Variants in RGS9 observed in about 807,000 individuals in gnomAD.
RGS9 encodes the protein regulator of G protein signaling 9, also known as regulator of G-protein signalling 9.
Under a neutral mutation model 102.0 loss-of-function variants are expected in RGS9, and 78 were observed. That is an observed-to-expected ratio of 0.76 (90% CI 0.64 to 0.92). RGS9 has a LOEUF of 0.92. Among genes scored for constraint, RGS9 ranks in the 40% least tolerant of loss-of-function variants. The pLI, the probability that RGS9 is intolerant of heterozygous loss-of-function variation, is 0.00. For synonymous variants in RGS9, 353 were observed against 318.6 expected, an observed-to-expected ratio of 1.11 and a Z score of -1.15; for missense variants, 833 against 866.1, an observed-to-expected ratio of 0.96 and a Z score of 0.48.
rs1911497514 is a variant in RGS9, at chr17:65,173,460, T to C, written c.583-4272T>C. ...AACATCGCCTCCTCACGAGCAGTTG[T>C]CACGAGTACAGGAGCTCCTTTCCTG... On this transcript the variant is annotated intron_variant, in intron 8 of 18. Transcript: ENST00000262406. The surrounding 1 kb of genome is among the most constrained non-coding windows in gnomAD (Gnocchi z 4.8). 6.6e-6 allele frequency among the ~76,000 whole-genome samples: 1 copy of C among 152,102 alleles called. No homozygotes were observed. Among genetic ancestry groups the C allele is most frequent in the Non-Finnish European group, 1.5e-5 (1 of 68,034 alleles).
intron 8 of RGS9, among the ~76,000 whole-genome samples, chr17:65,175,187 A>G (rs914425997): frequency 6.6e-6 from 1 of 151,486 alleles, no homozygotes; most frequent in African/African-American, 2.4e-5. Flanking sequence ...GTATGTGAGC[A>G]TGCGTGTGTG....
chr17:65,187,727 G>A (rs1912177633), intron 9 of RGS9, among the ~76,000 whole-genome samples: 1 of 152,268 alleles, frequency 6.6e-6, no homozygotes, highest in Admixed American at 6.5e-5. Context: ...GCCGGGTGCG[G>A]TGGCTCACGC....
intron 2 of RGS9, among the ~76,000 whole-genome samples, chr17:65,155,614 C>A (rs1034840935): frequency 2.6e-5 from 4 of 152,096 alleles, no homozygotes; most frequent in African/African-American, 9.7e-5. Context: ...AATTATGGCT[C>A]ACTGCAGCCT....
At chr17:65,144,424 C>T (rs1007600400) in intron 1 of RGS9, among the ~76,000 whole-genome samples, 17 of 152,194 alleles carry the variant, frequency 1.1e-4, no homozygotes, top group African/African-American at 3.4e-4. Flanking sequence ...TTCCCTGGCA[C>T]GCCCACTGTC....
rs749054515 is a variant in RGS9, at chr17:65,227,303, A to G, written c.1921A>G (p.Thr641Ala). ...TTTCCAGATCAAAATGGATGTGCCC[A>G]CGGGGAGCGGGACCTGCTTGATGGA... ...NFFQIKMDVP[T>A]GSGTCLMDSE... Residue 641 changes from threonine to alanine, a missense_variant, in exon 19 of 19, where the codon ACG becomes GCG. Physicochemically the swap from Thr to Ala is moderately conservative, Grantham distance 58 (BLOSUM62 0). Transcript: ENST00000262406. The G allele has an allele frequency of 1.3e-5, 21 of 1,614,014 alleles. No individual in the cohort carries two copies. The highest frequency in any genetic ancestry group is 9.9e-5 in the South Asian group (9 of 91,074).
At chr17:65,150,846 G>A (rs1240902121) in intron 1 of RGS9, among the ~76,000 whole-genome samples, 3 of 152,196 alleles carry the variant, frequency 2.0e-5, no homozygotes, top group African/African-American at 7.2e-5. Flanking sequence ...CGAATGACCA[G>A]CTGACCATTG....
chr17:65,149,930 C>T (rs1490662606), intron 1 of RGS9, among the ~76,000 whole-genome samples: 3 of 152,182 alleles, frequency 2.0e-5, no homozygotes, highest in African/African-American at 7.2e-5. Flanking sequence ...GGACTGCAAG[C>T]AAGCACCTTC....
At chr17:65,157,507 G>A (rs1282450532) in intron 2 of RGS9, among the ~76,000 whole-genome samples, 5 of 151,824 alleles carry the variant, frequency 3.3e-5, no homozygotes, top group African/African-American at 9.7e-5. Context: ...TGGGACGGGT[G>A]TACGGGTGCA....
intron 17 of RGS9, among the ~76,000 whole-genome samples, chr17:65,222,712 T>C (rs972815414): frequency 6.6e-6 from 1 of 152,146 alleles, no homozygotes; most frequent in Non-Finnish European, 1.5e-5. Context: ...CTAAGTAGAG[T>C]TGCACCTCCC....
rs377135501 is a variant in RGS9, at chr17:65,209,067, A to G, written c.1289+1060A>G. Among the ~76,000 whole-genome samples the G allele has an allele frequency of 3.0e-4, 45 of 152,280 alleles. No homozygotes were observed. In the East Asian group the frequency reaches 8.7e-3, roughly 29 times the overall value. On this transcript the variant is annotated intron_variant, in intron 16 of 18. Coordinates refer to ENST00000262406, the MANE Select transcript of RGS9 (RefSeq NM_003835.4). ...TCTGCCAGAAAGTAATGAGGGGACAAAAGAGGAGTCTCATACCTCTCTCTC... is the reference window on the plus strand; with the variant it reads ...TCTGCCAGAAAGTAATGAGGGGACAGAAGAGGAGTCTCATACCTCTCTCTC...
At chr17:65,212,939 C>T (rs1913359109) in intron 17 of RGS9, among the ~76,000 whole-genome samples, 1 of 152,088 alleles carries the variant, frequency 6.6e-6, no homozygotes, top group Non-Finnish European at 1.5e-5. Context: ...GGTTCTGCAC[C>T]AACATGAATG....
intron 1 of RGS9, among the ~76,000 whole-genome samples, chr17:65,146,551 C>A (rs1910367690): frequency 7.0e-6 from 1 of 142,930 alleles, no homozygotes; most frequent in South Asian, 2.2e-4. Flanking sequence ...TCCGCCACTG[C>A]ACTCCAGCTT....
chr17:65,147,315 A>C (rs1003390522), intron 1 of RGS9, among the ~76,000 whole-genome samples: 2 of 152,222 alleles, frequency 1.3e-5, no homozygotes, highest in Non-Finnish European at 1.5e-5. Flanking sequence ...CTGTGTGCTC[A>C]GAGTGGCCTC....
At chr17:65,190,097 T>G in intron 10 of RGS9, 78 bp from the exon 11 acceptor site, 1 of 1,173,800 alleles carries the variant, frequency 8.5e-7, no homozygotes, top group Non-Finnish European at 1.3e-6. Flanking sequence ...AAATGGCTTC[T>G]GGGTTTGGAG....
chr17:65,223,814 G>A (rs1463431306), intron 17 of RGS9, among the ~76,000 whole-genome samples: 3 of 150,260 alleles, frequency 2.0e-5, no homozygotes, highest in Non-Finnish European at 4.4e-5. Context: ...GCAGTGACGC[G>A]ATCTCGGCTC....
intron 8 of RGS9, among the ~76,000 whole-genome samples, chr17:65,175,531 TG>T (rs1225532736): frequency 6.6e-6 from 1 of 152,180 alleles, no homozygotes; most frequent in Non-Finnish European, 1.5e-5. Flanking sequence ...CCCTTGAGAC[TG>T]GGAGTGCCTC....
chr17:65,197,077 C>G lies in RGS9; in HGVS notation c.861-49C>G, dbSNP rs375131046. The stretch of plus-strand genomic sequence containing the variant: ...GCCCTCACCCCAACCCAGGCCACCA[C>G]CTGTCACAACCGCTACCTCTCTGGT... On this transcript the variant is annotated intron_variant, in intron 12 of 18. Coordinates refer to ENST00000262406, the MANE Select transcript of RGS9 (RefSeq NM_003835.4). 6 of 1,384,134 alleles carry G rather than the reference C, an allele frequency of 4.3e-6. No homozygotes were observed. The African/African-American group carries it at 8.6e-5, about 20-fold the overall frequency. The allele number at this position is 1,384,134 out of a possible 1,614,324, so 85.7% of individuals were successfully genotyped here.
chr17:65,203,907 T>C (rs1012373013), intron 14 of RGS9, among the ~76,000 whole-genome samples: 1 of 152,198 alleles, frequency 6.6e-6, no homozygotes, highest in African/African-American at 2.4e-5. Flanking sequence ...CCCCAGCCCC[T>C]TCTTGCTCTC....
chr17:65,157,293 G>T (rs537213741), intron 2 of RGS9, among the ~76,000 whole-genome samples: 1 of 151,942 alleles, frequency 6.6e-6, no homozygotes, highest in Non-Finnish European at 1.5e-5. Context: ...GCGGTGCTTC[G>T]TTCCAGGGCA....
Sources: gnomAD v4.1 joint callset for allele counts (sites outside exome capture counted in the v4.1 genomes callset) on GRCh38, gnomAD v4.1.1 for gene constraint, Gnocchi (gnomAD v3.1) non-coding constraint, MANE v1.5 for transcripts, NCBI Gene and HGNC (gene_info 2026-07-23, HGNC 2026-07-21) for gene names.